The following ABCA10 variants were observed in gnomAD, a reference collection of about 807,000 sequenced individuals.
ABCA10 encodes the protein ATP-binding cassette sub-family A member 10.
Under a neutral mutation model 187.5 loss-of-function variants are expected in ABCA10, and 169 were observed. That is an observed-to-expected ratio of 0.90 (90% CI 0.80 to 1.02). The LOEUF (loss-of-function observed/expected upper bound fraction) is 1.02, where lower values mean the gene tolerates loss of function less well. ABCA10 is among the 50% of genes least tolerant of loss of function. ABCA10 has a pLI of 0.00. For missense variants in ABCA10, 1,727 were observed against 1,812.4 expected (o/e 0.95, Z 0.86); for synonymous variants, 574 against 601.8 (o/e 0.95, Z 0.68).
intron 18 of ABCA10, 46 bp from the exon 19 acceptor site, chr17:69,187,925 C>T (rs754579629): frequency 3.2e-6 from 5 of 1,560,834 alleles, no homozygotes; most frequent in Middle Eastern, 1.7e-4. Flanking sequence ...GTTATCTGAA[C>T]TTTCTCTTTA....
chr17:69,229,940 T>A (rs1042354133), upstream of ABCA10, among the ~76,000 whole-genome samples: 1 of 152,096 alleles, frequency 6.6e-6, no homozygotes, highest in Non-Finnish European at 1.5e-5. Flanking sequence ...ATTTTTTATT[T>A]CCATAATTGC....
In ABCA10 at chr17:69,197,077, T is replaced by C. The variant is rs2144811660; in HGVS notation, c.1221A>G (p.Val407=). Residue 407 remains valine, a synonymous_variant, in exon 11 of 39, where the codon GTA becomes GTG. Coordinates refer to ENST00000690296, the MANE Select transcript of ABCA10 (RefSeq NM_001377321.1). ...IKEYNGKTGK[V]EALQGIFFDI... is the part of the protein sequence containing the mutation. ...TTTTCTTTTTACCTTGCAATGCTTC[T>C]ACTTTTCCAGTCTTTCCATTATATT... 4 of 1,591,576 alleles carry C rather than the reference T, an allele frequency of 2.5e-6. No homozygotes were observed. In the East Asian group the frequency reaches 8.9e-5, roughly 36 times the overall value.
chr17:69,207,844 CAA>C (rs989700893), intron 9 of ABCA10, among the ~76,000 whole-genome samples: 4 of 152,126 alleles, frequency 2.6e-5, no homozygotes, highest in Middle Eastern at 3.4e-3. Context: ...GGAATAAACT[CAA>C]GAGACCCATT....
At position 69,215,817 on chromosome 17, in the gene ABCA10, GGGCCA is replaced by G; in HGVS notation, c.851_855del (p.Met284ThrfsTer7). ...TCTTGAAATAATTATGTTCTTACCTGGGCCATTCCAGCAGTGAAGGCAAAAGGGCT... is the reference window on the plus strand; with the variant it reads ...TCTTGAAATAATTATGTTCTTACCTGTTCCAGCAGTGAAGGCAAAAGGGCT... On this transcript the variant is annotated frameshift_variant, in exon 8 of 39. Transcript: ENST00000690296. LOFTEE classifies it high-confidence loss of function. 6.4e-7 allele frequency: 1 copy of G among 1,564,948 alleles called. No individual in the cohort carries two copies. The highest frequency in any genetic ancestry group is 8.6e-7 in the Non-Finnish European group (1 of 1,162,448).
rs746740467 is a variant in ABCA10 at position 69,194,498 on chromosome 17, G to A, written c.1235-3C>T. 1.1e-5 allele frequency: 17 copies of A among 1,588,242 alleles called. No homozygotes were observed. Among genetic ancestry groups the A allele is most frequent in the Non-Finnish European group, 1.5e-5 (17 of 1,166,058 alleles). ...TTCATATATGTCAAAAAATATGCCT[G>A]TTTTAGAATAAAAAGTGGAAATTAG... On this transcript the variant is annotated splice_polypyrimidine_tract_variant and splice_region_variant and intron_variant, in intron 11 of 38. Coordinates refer to ENST00000690296, the MANE Select transcript of ABCA10 (RefSeq NM_001377321.1).
chr17:69,177,433 T>C (rs76672942), intron 22 of ABCA10, among the ~76,000 whole-genome samples: 11,092 of 152,134 alleles, frequency 0.073, 540 homozygotes, highest in Admixed American at 0.15. Context: ...TGAATATTAA[T>C]ATATGGTAGG....
Position 69,153,456 on chromosome 17 carries a change from G to A in ABCA10, c.4041+15C>T, listed in dbSNP as rs1413066789. 17 of 1,614,036 alleles carry A rather than the reference G, an allele frequency of 1.1e-5. No homozygotes were observed. Among genetic ancestry groups the A allele is most frequent in the Middle Eastern group, 1.6e-4 (1 of 6,062 alleles). On this transcript the variant is annotated intron_variant, in intron 33 of 38. Coordinates refer to ENST00000690296, the MANE Select transcript of ABCA10 (RefSeq NM_001377321.1). ...AGCCATGGGTGCACAGGGAAACCCC[G>A]AGCCTGGCCCATACCTTTCTCTTTA... is the stretch of plus-strand genomic sequence containing the variant.
chr17:69,148,605 G>T lies in ABCA10; in HGVS notation c.*222C>A, dbSNP rs1229730747. ...TAAGCACAAAATAGACCCATGTTGG[G>T]GATGAATAACATGTCTGATTTTGTT... On this transcript the variant is annotated 3_prime_UTR_variant, in exon 39 of 39. Coordinates refer to ENST00000690296, the MANE Select transcript of ABCA10 (RefSeq NM_001377321.1). The T allele has an allele frequency of 2.1e-6, 1 of 473,562 alleles. No individual in the cohort carries two copies. The highest frequency in any genetic ancestry group is 3.7e-5 in the East Asian group (1 of 27,134). 29.3% of individuals were successfully genotyped at this position (473,562 alleles called of 1,614,324 possible).
intron 22 of ABCA10, among the ~76,000 whole-genome samples, chr17:69,179,579 C>T (rs2074363198): frequency 6.6e-6 from 1 of 151,868 alleles, no homozygotes; most frequent in African/African-American, 2.4e-5. Context: ...CATAACATTC[C>T]CCAAAACACT....
At chr17:69,219,815 AAATAT>A (rs1411420149) in intron 5 of ABCA10, 44 bp from the exon 6 acceptor site, 2 of 1,297,242 alleles carry the variant, frequency 1.5e-6, no homozygotes, top group African/African-American at 1.5e-5. Flanking sequence ...ACTATAGACA[AAATAT>A]ATTAGAAAAC....
chr17:69,164,099 T>C lies in ABCA10; in HGVS notation c.3338A>G (p.Lys1113Arg). The C allele has an allele frequency of 6.3e-7, 1 of 1,587,610 alleles. No homozygotes were observed. The highest frequency in any genetic ancestry group is 8.5e-7 in the Non-Finnish European group (1 of 1,170,918). ...SLDNRINEVNKTILLTTLIPY... is the reference protein window; with the variant it reads ...SLDNRINEVNRTILLTTLIPY... ...TATTAAGGTTGTTAAAAGAATGGTT[T>C]TATTGACTTCATTTATTCTATTGTC... is the stretch of plus-strand genomic sequence containing the variant. The change falls in exon 27 of 39, where the codon AAA (lysine) becomes AGA (arginine). Residue 1113 changes from lysine (K) to arginine (R), a missense_variant. Coordinates refer to ENST00000690296, the MANE Select transcript of ABCA10 (RefSeq NM_001377321.1).
chr17:69,223,624 A>G, intron 3 of ABCA10: 2 of 436,102 alleles, frequency 4.6e-6, no homozygotes, highest in Non-Finnish European at 9.1e-6. Context: ...TGCTGTAGCC[A>G]TACCTTTCAA....
At chr17:69,212,819 T>C (rs967473939) in intron 9 of ABCA10, among the ~76,000 whole-genome samples, 2 of 152,212 alleles carry the variant, frequency 1.3e-5, no homozygotes, top group African/African-American at 4.8e-5. Context: ...CCCACCCCTT[T>C]ACCTTAAGTT....
At chr17:69,158,172 T>C (rs2074188332) in intron 27 of ABCA10, among the ~76,000 whole-genome samples, 1 of 152,050 alleles carries the variant, frequency 6.6e-6, no homozygotes, top group Admixed American at 6.5e-5. Context: ...AAATTCTCAG[T>C]AAAATCAGAA....
intron 27 of ABCA10, among the ~76,000 whole-genome samples, chr17:69,157,296 CGTTTTCA>C (rs1568049643): frequency 6.6e-6 from 1 of 152,104 alleles, no homozygotes; most frequent in African/African-American, 2.4e-5. Flanking sequence ...CTCAAACTTC[CGTTTTCA>C]TGCCATGTCC....
chr17:69,155,779 T>C (rs767196578), intron 29 of ABCA10, 26 bp downstream of exon 29: 7 of 1,604,966 alleles, frequency 4.4e-6, no homozygotes, highest in African/African-American at 4.0e-5. Flanking sequence ...GAGCATTTTA[T>C]TAAGGGTCTA....
intron 10 of ABCA10, 123 bp downstream of exon 10, chr17:69,201,377 A>T: frequency 1.1e-6 from 1 of 902,530 alleles, no homozygotes; most frequent in Non-Finnish European, 1.5e-6. Context: ...AGAGGAATTT[A>T]GGATGATGGC....
rs56142812 is a variant in ABCA10, at chr17:69,154,420, C to CTT, written c.3695-96_3695-95dup. On this transcript the variant is annotated intron_variant, in intron 30 of 38. Coordinates refer to ENST00000690296, the MANE Select transcript of ABCA10 (RefSeq NM_001377321.1). ...TGCATAACATTTTGAAACAAAATGA[C>CTT]TTTTTTTTTTTTTTTTTTTTCAGAG... 2,812 of 462,874 alleles carry CTT rather than the reference C, an allele frequency of 6.1e-3. 13 individuals are homozygous for CTT. Among genetic ancestry groups the CTT allele is most frequent in the African/African-American group, 0.019 (674 of 36,142 alleles). 28.7% of individuals were successfully genotyped at this position (462,874 alleles called of 1,614,324 possible).
At chr17:69,196,339 C>T (rs1344215087) in intron 11 of ABCA10, 3 of 170,456 alleles carry the variant, frequency 1.8e-5, no homozygotes, top group Admixed American at 6.5e-5. Context: ...GACAGGGTGG[C>T]GGTCGGGCAG....
Sources: allele counts gnomAD v4.1 joint callset (sites outside exome capture counted in the v4.1 genomes callset), GRCh38; gene constraint gnomAD v4.1.1; transcripts MANE v1.5; gene names NCBI Gene and HGNC (gene_info 2026-07-23, HGNC 2026-07-21).